FAM53B: variants seen among roughly 807,000 people sequenced by gnomAD.
FAM53B encodes the protein protein FAM53B.
Under a neutral mutation model 32.7 loss-of-function variants are expected in FAM53B, and 12 were observed. That is an observed-to-expected ratio of 0.37 (90% CI 0.24 to 0.59). FAM53B has a LOEUF of 0.59. Ranked by LOEUF, FAM53B falls within the 20% of genes least tolerant of loss-of-function variation. The pLI is 0.72. For missense variants in FAM53B, 477 were observed against 577.7 expected (o/e 0.83, Z 1.79); for synonymous variants, 234 against 228.7 (o/e 1.02, Z -0.21).
Position 124,623,368 on chromosome 10 carries a change from G to A in FAM53B, c.1143C>T (p.Cys381=), listed in dbSNP as rs750063708. The change falls in exon 5 of 5, where the codon TGC becomes TGT. Residue 381 remains cysteine (C), a synonymous_variant. Coordinates refer to ENST00000337318, the MANE Select transcript of FAM53B (RefSeq NM_014661.4). ...TCCTGCCACAATCCTCGTCCAGGGCGCAGCTGTCTGACTCCTCACAGGACA... is the reference window on the plus strand; with the variant it reads ...TCCTGCCACAATCCTCGTCCAGGGCACAGCTGTCTGACTCCTCACAGGACA... ...EDLSCEESDS[C]ALDEDCGRRA... is the part of the protein sequence containing the mutation. 11 of 1,612,432 alleles carry A rather than the reference G, an allele frequency of 6.8e-6. No individual in the cohort carries two copies. The highest frequency in any genetic ancestry group is 1.3e-5 in the African/African-American group (1 of 74,934).
chr10:124,742,035 C>G (rs1470990344), intron 1 of FAM53B, among the ~76,000 whole-genome samples: 2 of 152,170 alleles, frequency 1.3e-5, no homozygotes, highest in Non-Finnish European at 2.9e-5. Flanking sequence ...AATAGGAAGT[C>G]GTTGGGCAAC....
At chr10:124,667,723 G>A (rs546437535) in intron 4 of FAM53B, among the ~76,000 whole-genome samples, 29 of 152,354 alleles carry the variant, frequency 1.9e-4, no homozygotes, top group African/African-American at 6.7e-4. Context: ...TCAAGCTAAT[G>A]AGAATAATGC....
intron 4 of FAM53B, among the ~76,000 whole-genome samples, chr10:124,635,239 C>T (rs1373818149): frequency 1.3e-5 from 2 of 152,008 alleles, no homozygotes; most frequent in African/African-American, 4.8e-5. Context: ...AAAACAGGGC[C>T]CGCCACCACA....
intron 4 of FAM53B, among the ~76,000 whole-genome samples, chr10:124,637,929 C>A (rs1371552072): frequency 1.3e-5 from 2 of 152,192 alleles, no homozygotes; most frequent in Non-Finnish European, 2.9e-5. Flanking sequence ...GCTCTCCATT[C>A]TGGAGCCCCC....
At chr10:124,675,704 G>A (rs1564874576) in intron 4 of FAM53B, among the ~76,000 whole-genome samples, 2 of 152,344 alleles carry the variant, frequency 1.3e-5, no homozygotes, top group South Asian at 4.1e-4. Flanking sequence ...TGCCCCATGT[G>A]CATCAGTCCT....
intron 4 of FAM53B, among the ~76,000 whole-genome samples, chr10:124,670,368 G>T (rs1218324017): frequency 6.6e-6 from 1 of 152,162 alleles, no homozygotes; most frequent in Non-Finnish European, 1.5e-5. Flanking sequence ...AGGTAAGGCA[G>T]GTGACTGAGT....
intron 1 of FAM53B, among the ~76,000 whole-genome samples, chr10:124,708,767 G>A (rs551374418): frequency 3.3e-5 from 5 of 152,338 alleles, no homozygotes; most frequent in East Asian, 1.9e-4. Flanking sequence ...GCCAGCCGTC[G>A]GCACAAGGCC....
intron 4 of FAM53B, among the ~76,000 whole-genome samples, chr10:124,659,071 G>A (rs183129682): frequency 6.6e-6 from 1 of 152,298 alleles, no homozygotes; most frequent in African/African-American, 2.4e-5. Context: ...GCGATGGTGG[G>A]GATGGGCAGG....
At position 124,717,318 on chromosome 10, in the gene FAM53B, TCA is replaced by T. The variant is rs1950043497; in HGVS notation, c.-174-10433_-174-10432del. The stretch of plus-strand genomic sequence containing the variant: ...CCAGGTCTTTATGACTCTCTGGGCC[TCA>T]GTTTCCTCACGTGTCACAGGCAAAT... On this transcript the variant is annotated intron_variant, in intron 1 of 4. Transcript: ENST00000337318. 3.9e-5 allele frequency among the ~76,000 whole-genome samples: 6 copies of T among 152,356 alleles called. No individual in the cohort carries two copies. The South Asian group carries it at 1.0e-3, about 26-fold the overall frequency.
At chr10:124,642,115 C>G (rs1949479463) in intron 4 of FAM53B, among the ~76,000 whole-genome samples, 1 of 152,246 alleles carries the variant, frequency 6.6e-6, no homozygotes, top group African/African-American at 2.4e-5. Context: ...GGAGCCCTAA[C>G]TGACAGTCAC....
chr10:124,684,989 G>A (rs938472115), intron 3 of FAM53B, among the ~76,000 whole-genome samples: 2 of 152,206 alleles, frequency 1.3e-5, no homozygotes, highest in Non-Finnish European at 2.9e-5. Context: ...TAGTTAAAAC[G>A]TCTTACAGTA....
chr10:124,681,989 T>C lies in FAM53B; in HGVS notation c.524A>G (p.Asn175Ser). ...SSSFSLPSRA[N>S]VLSSPCDQAG... ...CTGGTCGCAGGGTGAGGAGAGCACG[T>C]TGGCCCGGGAAGGGAGGCTGAAGCT... The change falls in exon 4 of 5, where the codon AAC (asparagine) becomes AGC (serine). Residue 175 changes from asparagine (N) to serine (S), a missense_variant. Transcript: ENST00000337318. The C allele has an allele frequency of 1.2e-6, 2 of 1,614,046 alleles. No individual in the cohort carries two copies. The highest frequency in any genetic ancestry group is 1.3e-5 in the African/African-American group (1 of 75,046).
chr10:124,691,777 C>A (rs1477606105), intron 3 of FAM53B, among the ~76,000 whole-genome samples: 1 of 152,230 alleles, frequency 6.6e-6, no homozygotes, highest in African/African-American at 2.4e-5. Flanking sequence ...ACGTGTGACC[C>A]TGGGTCCCCC....
intron 1 of FAM53B, among the ~76,000 whole-genome samples, chr10:124,727,015 T>G (rs914934544): frequency 1.3e-5 from 2 of 152,108 alleles, no homozygotes; most frequent in African/African-American, 2.4e-5. Context: ...TTTTTATTTA[T>G]TTAGTTACTT....
intron 4 of FAM53B, among the ~76,000 whole-genome samples, chr10:124,643,007 G>A (rs1271960783): frequency 6.6e-6 from 1 of 152,216 alleles, no homozygotes; most frequent in African/African-American, 2.4e-5. Context: ...GACCTGTCGA[G>A]GCAGAATCGC....
intron 1 of FAM53B, among the ~76,000 whole-genome samples, chr10:124,721,868 G>C (rs559382779): frequency 3.9e-5 from 6 of 152,304 alleles, no homozygotes; most frequent in African/African-American, 1.4e-4. Flanking sequence ...GCCAAGATGG[G>C]AAGTGGCCTA....
At chr10:124,701,232 AG>A (rs2134081394) in intron 2 of FAM53B, among the ~76,000 whole-genome samples, 1 of 152,384 alleles carries the variant, frequency 6.6e-6, no homozygotes, top group South Asian at 2.1e-4. Flanking sequence ...CGAAGTATGA[AG>A]AACCCCAGTG....
chr10:124,679,579 C>T (rs895640459), intron 4 of FAM53B, among the ~76,000 whole-genome samples: 1 of 152,266 alleles, frequency 6.6e-6, no homozygotes, highest in Admixed American at 6.5e-5. Flanking sequence ...GGGGGCATGG[C>T]TCAGCGTCCA....
At chr10:124,713,713 T>C (rs1950020302) in intron 1 of FAM53B, 1 of 152,264 alleles carries the variant, frequency 6.6e-6, no homozygotes, top group African/African-American at 2.4e-5. Context: ...AGCTTTTCCT[T>C]CTTTTAGTGT....
Sources: gnomAD v4.1 joint callset for allele counts (sites outside exome capture counted in the v4.1 genomes callset) on GRCh38, gnomAD v4.1.1 for gene constraint, MANE v1.5 for transcripts, NCBI Gene and HGNC (gene_info 2026-07-23, HGNC 2026-07-21) for gene names.